Variants in NPEPPS observed in about 807,000 individuals in gnomAD.
The protein encoded by NPEPPS is aminopeptidase puromycin sensitive.
A neutral mutation model predicts 115.5 loss-of-function variants in NPEPPS; 14 were observed. That is an observed-to-expected ratio of 0.12 (90% CI 0.08 to 0.19). The LOEUF is 0.19. Among genes scored for constraint, NPEPPS ranks in the 10% least tolerant of loss-of-function variants. NPEPPS has a pLI of 1.00. For missense variants in NPEPPS, 523 were observed against 1,110.8 expected, an observed-to-expected ratio of 0.47 and a Z score of 7.52; for synonymous variants, 285 against 390.6, an observed-to-expected ratio of 0.73 and a Z score of 3.19.
chr17:47,583,921 C>CT (rs1912034137), intron 5 of NPEPPS, among the ~76,000 whole-genome samples: 1 of 107,552 alleles, frequency 9.3e-6, no homozygotes, highest in Non-Finnish European at 2.1e-5. Context: ...GACCCCATCT[C>CT]TTAAAAAAAA....
At position 47,525,007 on chromosome 17, in the gene NPEPPS, G is replaced by C. The variant is rs556518212; in HGVS notation, c.77+1944G>C. ...AGAGAAGCCTAGAAGCCTGTTAAAA[G>C]TAGGGCTAAGGATCTTGGGACATTA... On this transcript the variant is annotated intron_variant, in intron 1 of 5. Coordinates refer to the NPEPPS transcript ENST00000525007. 2.0e-5 allele frequency among the ~76,000 whole-genome samples: 3 copies of C among 151,948 alleles called. No individual in the cohort carries two copies. In the East Asian group the frequency reaches 5.8e-4, roughly 29 times the overall value.
chr17:47,534,590 G>A (rs949880250), intron 1 of NPEPPS, among the ~76,000 whole-genome samples: 4 of 151,784 alleles, frequency 2.6e-5, no homozygotes, highest in Admixed American at 6.6e-5. Context: ...ATGGAGTTTC[G>A]CTCTTTCTCC....
At chr17:47,594,412 C>CTT (rs112592322) in intron 12 of NPEPPS, among the ~76,000 whole-genome samples, 2 of 127,982 alleles carry the variant, frequency 1.6e-5, no homozygotes, top group Non-Finnish European at 1.7e-5. Flanking sequence ...CTTTTCAATT[C>CTT]TTTTTTTTTT....
At chr17:47,605,771 T>G (rs1913477109) in intron 17 of NPEPPS, among the ~76,000 whole-genome samples, 1 of 152,196 alleles carries the variant, frequency 6.6e-6, no homozygotes, top group South Asian at 2.1e-4. Flanking sequence ...TAAATATAAT[T>G]TGTGCACATG....
chr17:47,592,996 C>T (rs1315811388), intron 12 of NPEPPS, among the ~76,000 whole-genome samples: 1 of 152,128 alleles, frequency 6.6e-6, no homozygotes, highest in Non-Finnish European at 1.5e-5. Flanking sequence ...AAATCTGAAA[C>T]TTTTTGAGTG....
intron 12 of NPEPPS, among the ~76,000 whole-genome samples, chr17:47,595,123 GT>G (rs1164393679): frequency 6.6e-6 from 1 of 152,120 alleles, no homozygotes; most frequent in Non-Finnish European, 1.5e-5. Flanking sequence ...TAGAGACAGG[GT>G]TTCACCATGT....
At chr17:47,553,938 G>C (rs1464407452) in intron 2 of NPEPPS, among the ~76,000 whole-genome samples, 1 of 151,606 alleles carries the variant, frequency 6.6e-6, no homozygotes, top group Non-Finnish European at 1.5e-5. Flanking sequence ...TTTTAGTAGA[G>C]ACGGGGTTTC....
chr17:47,597,674 C>G (rs1912962983), intron 13 of NPEPPS, among the ~76,000 whole-genome samples: 1 of 152,088 alleles, frequency 6.6e-6, no homozygotes, highest in Admixed American at 6.6e-5. Context: ...CAGCCAAAGC[C>G]AAGTATGTTT....
At chr17:47,528,789 C>T (rs545863269), upstream of NPEPPS, among the ~76,000 whole-genome samples, 20 of 151,990 alleles carry the variant, frequency 1.3e-4, no homozygotes, top group Admixed American at 5.9e-4. Flanking sequence ...GCATGCGCCA[C>T]CATGCCTGGC....
At chr17:47,558,963 G>A (rs1267215541) in intron 2 of NPEPPS, among the ~76,000 whole-genome samples, 2 of 152,106 alleles carry the variant, frequency 1.3e-5, no homozygotes, top group East Asian at 3.9e-4. Flanking sequence ...GAACCCGGGA[G>A]GCGGACGGAG....
At chr17:47,586,285 T>C in intron 7 of NPEPPS, 41 bp downstream of exon 7, 3 of 1,110,414 alleles carry the variant, frequency 2.7e-6, no homozygotes, top group Non-Finnish European at 3.6e-6. Context: ...GTAATAACTT[T>C]TTAAAATTTT....
Position 47,605,357 on chromosome 17 carries a change from G to A in NPEPPS, c.1900G>A (p.Val634Ile). Residue 634 changes from valine to isoleucine, a missense_variant, in exon 17 of 23, where the codon GTA becomes ATA. Val to Ile is a conservative substitution (Grantham distance 29). This residue lies in a region of NPEPPS where 372 missense variants were observed against 542.6 expected (regional missense o/e 0.69). Coordinates refer to ENST00000322157, the MANE Select transcript of NPEPPS (RefSeq NM_006310.4). ...GGCTCGAGCTGGAATCATTAGCACT[G>A]TAGAGGTTCTAAAAGTCATGGAGGC... ...SLARAGIIST[V>I]EVLKVMEAFV... 6.2e-7 allele frequency: 1 copy of A among 1,610,054 alleles called. No homozygotes were observed. The highest frequency in any genetic ancestry group is 8.5e-7 in the Non-Finnish European group (1 of 1,178,086).
chr17:47,530,793 G>A (rs1242450856), upstream of NPEPPS, among the ~76,000 whole-genome samples: 1 of 152,138 alleles, frequency 6.6e-6, no homozygotes, highest in African/African-American at 2.4e-5. Context: ...GCTTGTAACT[G>A]GTATTTTATG....
intron 11 of NPEPPS, among the ~76,000 whole-genome samples, 152 bp from the exon 12 acceptor site, chr17:47,592,329 TTAAA>T (rs1334254218): frequency 1.3e-5 from 2 of 152,188 alleles, no homozygotes; most frequent in Non-Finnish European, 2.9e-5. Flanking sequence ...GTACGCATTA[TTAAA>T]TAAAAGGCAG....
At chr17:47,598,642 C>T (rs936037311) in intron 13 of NPEPPS, among the ~76,000 whole-genome samples, 4 of 152,166 alleles carry the variant, frequency 2.6e-5, no homozygotes. Context: ...TTAATGATTA[C>T]ACATAAAACA....
At chr17:47,557,094 T>G (rs1242376312) in intron 2 of NPEPPS, among the ~76,000 whole-genome samples, 1 of 152,228 alleles carries the variant, frequency 6.6e-6, no homozygotes, top group Non-Finnish European at 1.5e-5. Context: ...TTTTTTTATT[T>G]TTGAGACGGA....
intron 17 of NPEPPS, 32 bp downstream of exon 17, chr17:47,605,584 C>T (rs758120999): frequency 8.1e-6 from 11 of 1,365,436 alleles, no homozygotes; most frequent in South Asian, 3.8e-5. Flanking sequence ...GAAAGAATTA[C>T]GCAGAAGTTG....
At chr17:47,563,428 T>C (rs562695718) in intron 2 of NPEPPS, among the ~76,000 whole-genome samples, 2 of 152,346 alleles carry the variant, frequency 1.3e-5, no homozygotes, top group East Asian at 3.9e-4. Flanking sequence ...TACCCAAATA[T>C]GTATGTTTAT....
chr17:47,530,592 C>G (rs1597801908), upstream of NPEPPS, among the ~76,000 whole-genome samples: 1 of 148,790 alleles, frequency 6.7e-6, no homozygotes, highest in Non-Finnish European at 1.5e-5. Context: ...TCCTTGACCT[C>G]GTGATCCGCC....
Sources: allele counts gnomAD v4.1 joint callset (sites outside exome capture counted in the v4.1 genomes callset), GRCh38; gene constraint gnomAD v4.1.1; regional missense constraint gnomAD v4.1.1; transcripts MANE v1.5; gene names NCBI Gene and HGNC (gene_info 2026-07-23, HGNC 2026-07-21).